EIF5B: variants seen among roughly 807,000 people sequenced by gnomAD.
EIF5B encodes eIF-5B.
A neutral mutation model predicts 147.5 loss-of-function variants in EIF5B; 47 were observed. The ratio of observed to expected loss-of-function variants is 0.32; its 90% confidence interval spans 0.25 to 0.41. EIF5B has a LOEUF of 0.41. EIF5B is among the 10% of genes least tolerant of loss of function. The pLI, the probability that EIF5B is intolerant of heterozygous loss-of-function variation, is 1.00. For synonymous variants in EIF5B, 455 were observed against 456.2 expected, an observed-to-expected ratio of 1.00 and a Z score of 0.03; for missense variants, 1,064 against 1,413.2, an observed-to-expected ratio of 0.75 and a Z score of 3.96.
intron 1 of EIF5B, among the ~76,000 whole-genome samples, chr2:99,339,519 A>G (rs1288128257): frequency 6.6e-6 from 1 of 152,050 alleles, no homozygotes; most frequent in Non-Finnish European, 1.5e-5. Context: ...TTAGATTAAA[A>G]TTACATATAT....
Position 99,351,599 on chromosome 2 carries a change from G to A in EIF5B, c.36-8637G>A, listed in dbSNP as rs142011207. Among the ~76,000 whole-genome samples the A allele has an allele frequency of 1.4e-4, 22 of 152,236 alleles. No individual in the cohort carries two copies. The East Asian group carries it at 3.9e-3, about 27-fold the overall frequency. On this transcript the variant is annotated intron_variant, in intron 1 of 23. Coordinates refer to ENST00000289371, the MANE Select transcript of EIF5B (RefSeq NM_015904.4). ...TCCCTCTAGGGATGTATGTGCTCCAGTTACTCCATATCCAGTCTCAACACT... is the reference window on the plus strand; with the variant it reads ...TCCCTCTAGGGATGTATGTGCTCCAATTACTCCATATCCAGTCTCAACACT...
At chr2:99,367,443 T>TTTC (rs1553535414) in intron 6 of EIF5B, among the ~76,000 whole-genome samples, 3 of 151,246 alleles carry the variant, frequency 2.0e-5, no homozygotes, top group African/African-American at 2.4e-5. Flanking sequence ...TTTTTTTTTT[T>TTTC]TCTCTCTTTT....
At chr2:99,341,762 TGA>T (rs1265716585) in intron 1 of EIF5B, among the ~76,000 whole-genome samples, 1 of 152,222 alleles carries the variant, frequency 6.6e-6, no homozygotes, top group Non-Finnish European at 1.5e-5. Flanking sequence ...ACTTACACTA[TGA>T]TACATAACAT....
chr2:99,383,584 G>A (rs986062261), intron 14 of EIF5B, among the ~76,000 whole-genome samples: 16 of 152,164 alleles, frequency 1.1e-4, no homozygotes, highest in South Asian at 2.1e-4. Context: ...GGAAGCTGTC[G>A]AAGAAAAGTT....
chr2:99,370,702 A>C (rs992975222), intron 8 of EIF5B, among the ~76,000 whole-genome samples: 5 of 152,234 alleles, frequency 3.3e-5, no homozygotes, highest in African/African-American at 1.2e-4. Flanking sequence ...GGAAGCAGGT[A>C]CCACATGTCC....
intron 1 of EIF5B, among the ~76,000 whole-genome samples, chr2:99,355,652 G>A (rs868195038): frequency 6.5e-4 from 79 of 121,014 alleles, no homozygotes; most frequent in African/African-American, 2.2e-3. Flanking sequence ...TCATTCTGTC[G>A]CCCAGGCTGG....
intron 14 of EIF5B, among the ~76,000 whole-genome samples, chr2:99,385,341 A>G (rs182029808): frequency 6.6e-6 from 1 of 152,304 alleles, no homozygotes; most frequent in East Asian, 1.9e-4. Flanking sequence ...CACTGCGCCC[A>G]GCCAATGAAT....
chr2:99,386,031 A>G (rs1278434194), intron 14 of EIF5B, among the ~76,000 whole-genome samples: 3 of 152,226 alleles, frequency 2.0e-5, no homozygotes, highest in Non-Finnish European at 4.4e-5. Flanking sequence ...TGCTTTGTTC[A>G]TGTTGTCATT....
At chr2:99,346,487 A>C (rs1004558842) in intron 1 of EIF5B, among the ~76,000 whole-genome samples, 2 of 152,046 alleles carry the variant, frequency 1.3e-5, no homozygotes, top group African/African-American at 4.8e-5. Flanking sequence ...AAATCCTTTA[A>C]CAGTGATTAA....
In EIF5B at chr2:99,399,588, G is replaced by T; in HGVS notation, c.*174G>T. 1.7e-6 allele frequency: 1 copy of T among 581,080 alleles called. No homozygotes were observed. The highest frequency in any genetic ancestry group is 3.1e-5 in the East Asian group (1 of 32,120). 36.0% of individuals were successfully genotyped at this position (581,080 alleles called of 1,614,324 possible). ...ATGAGAAACCAAGAAACTTACACTGGTTTGACAGTGGTCAGTTACATGTCC... is the reference window on the plus strand; with the variant it reads ...ATGAGAAACCAAGAAACTTACACTGTTTTGACAGTGGTCAGTTACATGTCC... On this transcript the variant is annotated 3_prime_UTR_variant, in exon 24 of 24. Coordinates refer to ENST00000289371, the MANE Select transcript of EIF5B (RefSeq NM_015904.4).
In EIF5B at chr2:99,382,904, A is replaced by T; in HGVS notation, c.2254A>T (p.Ile752Phe). The change falls in exon 14 of 24, where the codon ATT becomes TTT. Residue 752 changes from isoleucine to phenylalanine, a missense_variant. Physicochemically the swap from Ile to Phe is conservative, Grantham distance 21. Around this residue, in one of 4 missense-constraint regions of EIF5B, gnomAD observed 380 missense variants for 715.6 expected, o/e 0.53. Transcript: ENST00000289371. ...TCTCAAATCTAAAAAATGTCCCTTC[A>T]TTGTTGCACTCAATAAGGTATGTGC... ...NLLKSKKCPF[I>F]VALNKIDRLY... 1 of 1,608,576 alleles carries T rather than the reference A, an allele frequency of 6.2e-7. No homozygotes were observed. The highest frequency in any genetic ancestry group is 8.5e-7 in the Non-Finnish European group (1 of 1,178,556).
At chr2:99,382,571 ATTAG>A (rs1157767367) in intron 13 of EIF5B, among the ~76,000 whole-genome samples, 1 of 152,192 alleles carries the variant, frequency 6.6e-6, no homozygotes, top group Non-Finnish European at 1.5e-5. Context: ...TATTAGAAAT[ATTAG>A]TTGGTTCTAA....
chr2:99,397,931 G>GTTT (rs201861553), intron 22 of EIF5B: 2 of 147,958 alleles, frequency 1.4e-5, no homozygotes, highest in African/African-American at 5.0e-5. Context: ...GACTCAGTGG[G>GTTT]TTTTTTTTTT....
At chr2:99,374,618 A>C (rs1027548412) in intron 9 of EIF5B, among the ~76,000 whole-genome samples, 1 of 152,150 alleles carries the variant, frequency 6.6e-6, no homozygotes, top group Non-Finnish European at 1.5e-5. Flanking sequence ...GAAGTTTAAC[A>C]CTTTGAAGTT....
At chr2:99,366,422 C>CT (rs1422974488) in intron 6 of EIF5B, among the ~76,000 whole-genome samples, 1 of 152,202 alleles carries the variant, frequency 6.6e-6, no homozygotes, top group Non-Finnish European at 1.5e-5. Flanking sequence ...GCATTCTCAG[C>CT]TGGCTTTATC....
At chr2:99,338,949 T>TAC (rs1217763461) in intron 1 of EIF5B, among the ~76,000 whole-genome samples, 3 of 140,672 alleles carry the variant, frequency 2.1e-5, no homozygotes, top group African/African-American at 7.6e-5. Flanking sequence ...CAAATATATA[T>TAC]ACACACATAT....
Position 99,389,724 on chromosome 2 carries a change from A to C in EIF5B, c.2278A>C (p.Arg760=). The change falls in exon 15 of 24, where the codon AGG becomes CGG. Residue 760 remains arginine (R), a synonymous_variant. Transcript: ENST00000289371. ...PFIVALNKID[R]LYDWKKSPDS... is the part of the protein sequence containing the mutation. ...CATGAAAAAACTTTTTCAGATTGAT[A>C]GGTTATATGATTGGAAAAAGAGTCC... The C allele has an allele frequency of 6.3e-7, 1 of 1,588,206 alleles. No individual in the cohort carries two copies. The highest frequency in any genetic ancestry group is 1.2e-5 in the South Asian group (1 of 85,776).
chr2:99,394,662 C>G, intron 20 of EIF5B, 57 bp from the exon 21 acceptor site: 2 of 1,610,388 alleles, frequency 1.2e-6, no homozygotes, highest in Non-Finnish European at 1.7e-6. Context: ...AAAAACTGTC[C>G]TCTGTGACAT....
At chr2:99,373,335 T>G (rs969867265) in intron 9 of EIF5B, among the ~76,000 whole-genome samples, 2 of 152,200 alleles carry the variant, frequency 1.3e-5, no homozygotes, top group African/African-American at 2.4e-5. Context: ...GGCACCAGCA[T>G]TGGTGCCTGG....
Sources: gnomAD v4.1 joint callset for allele counts (sites outside exome capture counted in the v4.1 genomes callset) on GRCh38, gnomAD v4.1.1 for gene constraint, gnomAD v4.1.1 regional missense constraint, MANE v1.5 for transcripts, NCBI Gene and HGNC (gene_info 2026-07-23, HGNC 2026-07-21) for gene names.